Variants in ATP9A observed in about 807,000 individuals in gnomAD.
The protein encoded by ATP9A is ATPase phospholipid transporting 9A, also known as probable phospholipid-transporting ATPase IIA.
Under a neutral mutation model 144.1 loss-of-function variants are expected in ATP9A, and 52 were observed. That is an observed-to-expected ratio of 0.36 (90% confidence interval 0.29 to 0.45). The LOEUF (loss-of-function observed/expected upper bound fraction) is 0.45, where lower values mean the gene tolerates loss of function less well. Among genes scored for constraint, ATP9A ranks in the 20% least tolerant of loss-of-function variants. The pLI is 1.00. For missense variants in ATP9A, 947 were observed against 1,392.7 expected, an observed-to-expected ratio of 0.68 and a Z score of 5.09; for synonymous variants, 582 against 557.4, an observed-to-expected ratio of 1.04 and a Z score of -0.62.
chr20:51,601,436 G>C (rs2077142670), intron 27 of ATP9A, 89 bp from the exon 28 acceptor site: 1 of 1,346,198 alleles, frequency 7.4e-7, no homozygotes. Flanking sequence ...AACTATCAAA[G>C]GGAAAGTCAT....
At chr20:51,665,233 T>C (rs924538171) in intron 13 of ATP9A, among the ~76,000 whole-genome samples, 7 of 141,496 alleles carry the variant, frequency 4.9e-5, no homozygotes, top group African/African-American at 1.8e-4. Context: ...GACTGACAGC[T>C]GGGGGGATAG....
At chr20:51,723,145 C>G (rs1273668661) in intron 3 of ATP9A, among the ~76,000 whole-genome samples, 1 of 152,112 alleles carries the variant, frequency 6.6e-6, no homozygotes, top group Non-Finnish European at 1.5e-5. Flanking sequence ...TGAAGTAACT[C>G]AGGAATGGAA....
intron 3 of ATP9A, among the ~76,000 whole-genome samples, chr20:51,716,509 C>CT (rs1327258105): frequency 5.0e-5 from 7 of 138,952 alleles, no homozygotes; most frequent in Non-Finnish European, 1.1e-4. Context: ...AAAAAAATAG[C>CT]TGGGCATGGT....
At chr20:51,629,517 T>C (rs1397030552) in intron 15 of ATP9A, among the ~76,000 whole-genome samples, 1 of 152,182 alleles carries the variant, frequency 6.6e-6, no homozygotes, top group Non-Finnish European at 1.5e-5. Flanking sequence ...GGGCCCCTCC[T>C]GTGCACTGTA....
chr20:51,699,670 T>C (rs922770188), intron 4 of ATP9A, among the ~76,000 whole-genome samples: 2 of 151,520 alleles, frequency 1.3e-5, no homozygotes, highest in Non-Finnish European at 2.9e-5. Context: ...TTAGACGGAG[T>C]CTCGCTCTGT....
Position 51,656,871 on chromosome 20 carries a change from G to T in ATP9A, c.1506+67C>A, listed in dbSNP as rs1042277585. 4.1e-6 allele frequency: 6 copies of T among 1,446,650 alleles called. No homozygotes were observed. The Admixed American group carries it at 5.8e-5, about 14-fold the overall frequency. The allele number at this position is 1,446,650 out of a possible 1,614,324, so 89.6% of individuals were successfully genotyped here. On this transcript the variant is annotated intron_variant, in intron 14 of 27. Transcript: ENST00000338821. The stretch of plus-strand genomic sequence containing the variant: ...CTGACACATTGCTTCCTTAGAAAAC[G>T]CCTAATTCCAGCACAGAGAAAACAA...
rs371144955 is a variant in ATP9A at position 51,690,158 on chromosome 20, T to G, written c.723+581A>C. Among the ~76,000 whole-genome samples, 7 of 131,440 alleles carry G rather than the reference T, an allele frequency of 5.3e-5. 1 individual carries two copies. The highest frequency in any genetic ancestry group is 2.0e-4 in the African/African-American group (7 of 34,352). The allele number at this position is 131,440 out of a possible 152,430, so 86.2% of individuals were successfully genotyped here. Reference sequence around the variant, plus strand: ...AAAAAAGGCCAGGCTCAGTGGCTCATGCCTGTAATCCCAGCACTTTGGGAG... The same window carrying G: ...AAAAAAGGCCAGGCTCAGTGGCTCAGGCCTGTAATCCCAGCACTTTGGGAG... On this transcript the variant is annotated intron_variant, in intron 8 of 27. Coordinates refer to ENST00000338821, the MANE Select transcript of ATP9A (RefSeq NM_006045.3).
At chr20:51,710,445 C>A (rs1269138794) in intron 4 of ATP9A, among the ~76,000 whole-genome samples, 3 of 152,152 alleles carry the variant, frequency 2.0e-5, no homozygotes, top group East Asian at 1.9e-4. Flanking sequence ...TGAAGGAATT[C>A]GACAGGAAAG....
chr20:51,670,168 C>T (rs1206485786), intron 12 of ATP9A, 59 bp from the exon 13 acceptor site: 2 of 1,291,010 alleles, frequency 1.5e-6, no homozygotes, highest in Non-Finnish European at 2.3e-6. Context: ...TTATTATTAA[C>T]AGTAATGACA....
At chr20:51,676,459 C>G (rs1353846824) in intron 9 of ATP9A, among the ~76,000 whole-genome samples, 1 of 151,994 alleles carries the variant, frequency 6.6e-6, no homozygotes, top group Non-Finnish European at 1.5e-5. Context: ...AGGCGTGCAC[C>G]ACCATGCCTG....
rs1048712 is a variant in ATP9A at position 51,601,081 on chromosome 20, A to G, written c.*130T>C. The G allele has an allele frequency of 0.58, 682,652 of 1,170,428 alleles. 200,551 individuals carry two copies. The highest frequency in any genetic ancestry group is 0.66 in the South Asian group (35,780 of 54,262). 72.5% of individuals were successfully genotyped at this position (1,170,428 alleles called of 1,614,324 possible). On this transcript the variant is annotated 3_prime_UTR_variant, in exon 28 of 28. Transcript: ENST00000338821. ...TAGGACTCCGTTTAGGCGCAGAGCC[A>G]CTTCCCATTAAAACTGCATGTGTTA...
intron 9 of ATP9A, among the ~76,000 whole-genome samples, chr20:51,686,414 G>A (rs2077523309): frequency 6.7e-6 from 1 of 150,076 alleles, no homozygotes. Flanking sequence ...ATTTCTATAT[G>A]GTAAAAGAAA....
intron 4 of ATP9A, among the ~76,000 whole-genome samples, chr20:51,702,143 T>C (rs902900054): frequency 2.0e-5 from 3 of 151,070 alleles, no homozygotes; most frequent in East Asian, 3.9e-4. Context: ...ACTAAAAATA[T>C]ATAAAATTAG....
intron 13 of ATP9A, among the ~76,000 whole-genome samples, chr20:51,657,591 G>T (rs1037494641): frequency 6.6e-6 from 1 of 152,152 alleles, no homozygotes; most frequent in Non-Finnish European, 1.5e-5. Context: ...TGCGCTGGAC[G>T]CCAGCAGCAC....
chr20:51,671,315 T>C, intron 11 of ATP9A, 58 bp from the exon 12 acceptor site: 1 of 1,574,494 alleles, frequency 6.4e-7, no homozygotes, highest in Non-Finnish European at 8.7e-7. Context: ...TCCTTGTATC[T>C]TTATAAAAAC....
At chr20:51,718,337 A>G (rs921472679) in intron 3 of ATP9A, among the ~76,000 whole-genome samples, 20 of 149,414 alleles carry the variant, frequency 1.3e-4, no homozygotes, top group Non-Finnish European at 2.8e-4. Context: ...TTAGGGTAGT[A>G]GCTACACAGG....
chr20:51,661,802 T>TAC (rs11474565), intron 13 of ATP9A, among the ~76,000 whole-genome samples: 75,053 of 151,584 alleles, frequency 0.5, 19,277 homozygotes, highest in East Asian at 0.8. Context: ...TCAGAGCTAC[T>TAC]ACCTCCAAAT....
intron 27 of ATP9A, among the ~76,000 whole-genome samples, chr20:51,601,658 C>A (rs2077143673): frequency 6.6e-6 from 1 of 152,220 alleles, no homozygotes; most frequent in African/African-American, 2.4e-5. Context: ...TTAATCCCAG[C>A]ACTCTGGGAG....
chr20:51,687,593 T>C (rs931380068), intron 9 of ATP9A, among the ~76,000 whole-genome samples: 2 of 151,836 alleles, frequency 1.3e-5, no homozygotes, highest in African/African-American at 2.4e-5. Flanking sequence ...GAGACCCCCA[T>C]CTCTAAAAAA....
Sources: allele counts gnomAD v4.1 joint callset (sites outside exome capture counted in the v4.1 genomes callset), GRCh38; gene constraint gnomAD v4.1.1; transcripts MANE v1.5; gene names NCBI Gene and HGNC (gene_info 2026-07-23, HGNC 2026-07-21).